CPNE2: variants seen among roughly 807,000 people sequenced by gnomAD.
CPNE2 encodes copine-2.
In CPNE2, 42 loss-of-function variants were observed where a neutral mutation model predicts 69.7. The ratio of observed to expected loss-of-function variants is 0.60; its 90% CI spans 0.47 to 0.78. The LOEUF (loss-of-function observed/expected upper bound fraction) is 0.78, where lower values mean the gene tolerates loss of function less well. Among genes scored for constraint, CPNE2 ranks in the 30% least tolerant of loss-of-function variants. The pLI, the probability that CPNE2 is intolerant of heterozygous loss-of-function variation, is 0.00. For synonymous variants in CPNE2, 294 were observed against 289.8 expected, an observed-to-expected ratio of 1.01 and a Z score of -0.15; for missense variants, 587 against 732.0, an observed-to-expected ratio of 0.80 and a Z score of 2.29.
At chr16:57,124,584 A>G (rs2069787103) in intron 10 of CPNE2, 1 of 335,044 alleles carries the variant, frequency 3.0e-6, no homozygotes. Flanking sequence ...GGAAGAATGA[A>G]CTGCCACCTT....
chr16:57,140,991 G>T (rs2069918533), intron 14 of CPNE2: 10 of 150,072 alleles, frequency 6.7e-5, no homozygotes, highest in Admixed American at 4.0e-4. Context: ...CCAGGCCATT[G>T]TCCCACCCAG....
intron 12 of CPNE2, among the ~76,000 whole-genome samples, chr16:57,128,762 C>T (rs951150213): frequency 7.9e-5 from 12 of 152,330 alleles, no homozygotes; most frequent in Admixed American, 4.6e-4. Context: ...TCCATCCTCT[C>T]GCTGTGTGGA....
At chr16:57,115,384 C>A in intron 3 of CPNE2, 92 bp from the exon 4 acceptor site, 2 of 1,048,778 alleles carry the variant, frequency 1.9e-6, no homozygotes, top group South Asian at 1.3e-5. Context: ...TGCAGCCCTG[C>A]CAAGAGGATT....
chr16:57,110,711 G>T lies in CPNE2; in HGVS notation c.-32G>T. On this transcript the variant is annotated 5_prime_UTR_variant, in exon 2 of 16. Transcript: ENST00000290776. ...ACCCTCACTTCTGTTCCCCTAGACT[G>T]CCAGGAACTCCTGCCACCGCCACCG... 6.4e-7 allele frequency: 1 copy of T among 1,570,516 alleles called. No individual in the cohort carries two copies. Among genetic ancestry groups the T allele is most frequent in the East Asian group, 2.4e-5 (1 of 42,540 alleles).
intron 1 of CPNE2, among the ~76,000 whole-genome samples, chr16:57,107,484 G>C (rs2069655164): frequency 6.6e-6 from 1 of 152,172 alleles, no homozygotes; most frequent in African/African-American, 2.4e-5. Context: ...GCTTGCAGGG[G>C]ACTGCATCTG....
intron 12 of CPNE2, among the ~76,000 whole-genome samples, chr16:57,128,348 G>T (rs1169287414): frequency 2.6e-5 from 4 of 152,062 alleles, no homozygotes; most frequent in Non-Finnish European, 4.4e-5. Context: ...TCCTGCCTCA[G>T]CCTCCCGAGT....
chr16:57,114,968 G>C (rs12925442), intron 3 of CPNE2, among the ~76,000 whole-genome samples: 1 of 133,286 alleles, frequency 7.5e-6, no homozygotes, highest in Non-Finnish European at 1.6e-5. Context: ...AAAGCCAGGC[G>C]TGGTGATGCA....
intron 10 of CPNE2, chr16:57,124,848 C>G (rs917472997): frequency 4.4e-6 from 1 of 226,294 alleles, no homozygotes; most frequent in Non-Finnish European, 9.1e-6. Flanking sequence ...ACCACTGCCC[C>G]CTCCCCTGCA....
At chr16:57,105,791 G>A (rs2069644484) in intron 1 of CPNE2, among the ~76,000 whole-genome samples, 1 of 152,214 alleles carries the variant, frequency 6.6e-6, no homozygotes, top group African/African-American at 2.4e-5. Flanking sequence ...ACCCCAGAAG[G>A]GCTGTGCCCA....
chr16:57,139,821 T>G (rs1367938663), intron 14 of CPNE2, among the ~76,000 whole-genome samples: 4 of 152,088 alleles, frequency 2.6e-5, no homozygotes. Context: ...ATCCTGCCGC[T>G]GTCCCTTCCT....
intron 14 of CPNE2, chr16:57,143,220 G>C (rs2069935061): frequency 6.6e-6 from 1 of 152,466 alleles, no homozygotes; most frequent in African/African-American, 2.4e-5. Context: ...GGAAGCCGGG[G>C]ACTTGTCAGC....
At chr16:57,095,921 T>G (rs558982087) in intron 1 of CPNE2, among the ~76,000 whole-genome samples, 78 of 152,358 alleles carry the variant, frequency 5.1e-4, no homozygotes, top group African/African-American at 1.7e-3. Flanking sequence ...CTTTACTCAT[T>G]GGTGCACCAG....
At chr16:57,095,716 C>T (rs988287689) in intron 1 of CPNE2, among the ~76,000 whole-genome samples, 9 of 152,152 alleles carry the variant, frequency 5.9e-5, no homozygotes, top group Admixed American at 4.6e-4. Flanking sequence ...CCACCCACCT[C>T]GGTCTCCCAA....
Position 57,137,197 on chromosome 16 carries a change from G to A in CPNE2, c.1217G>A (p.Arg406His), listed in dbSNP as rs1242620484. 10 of 1,614,224 alleles carry A rather than the reference G, an allele frequency of 6.2e-6. No individual in the cohort carries two copies. The highest frequency in any genetic ancestry group is 2.2e-5 in the South Asian group (2 of 91,088). Residue 406 changes from arginine to histidine, a missense_variant, in exon 14 of 16, where the codon CGC becomes CAC. Transcript: ENST00000290776. ...TACTCAGCTTGCCTGCCCCACATCC[G>A]CTTCTACGGTCCTACCAATTTCTCC... ...QAYSACLPHI[R>H]FYGPTNFSPI...
intron 2 of CPNE2, among the ~76,000 whole-genome samples, chr16:57,111,435 C>T (rs1205579299): frequency 2.6e-5 from 4 of 152,226 alleles, no homozygotes; most frequent in Non-Finnish European, 5.9e-5. Context: ...GCCTCCACTT[C>T]CCAAAGTGCT....
intron 1 of CPNE2, among the ~76,000 whole-genome samples, chr16:57,105,500 A>G (rs1285182165): frequency 1.3e-5 from 2 of 151,850 alleles, no homozygotes; most frequent in African/African-American, 2.4e-5. Context: ...CAGTGGCACA[A>G]TCACAGCTCA....
chr16:57,117,139 C>T (rs2069724768), intron 4 of CPNE2, among the ~76,000 whole-genome samples: 1 of 152,020 alleles, frequency 6.6e-6, no homozygotes, highest in South Asian at 2.1e-4. Context: ...TCTGTGGCTG[C>T]CGCAGGGGCA....
chr16:57,118,409 G>C (rs1408823657), intron 5 of CPNE2, among the ~76,000 whole-genome samples: 1 of 149,528 alleles, frequency 6.7e-6, no homozygotes, highest in Non-Finnish European at 1.5e-5. Flanking sequence ...TCCTGACCTT[G>C]TGATCCGCCT....
intron 5 of CPNE2, among the ~76,000 whole-genome samples, chr16:57,118,723 C>T (rs1379651687): frequency 6.6e-6 from 1 of 152,014 alleles, no homozygotes; most frequent in African/African-American, 2.4e-5. Context: ...GAGTCACATA[C>T]AAAAAGTGGC....
Sources: gnomAD v4.1 joint callset for allele counts (sites outside exome capture counted in the v4.1 genomes callset) on GRCh38, gnomAD v4.1.1 for gene constraint, MANE v1.5 for transcripts, NCBI Gene and HGNC (gene_info 2026-07-23, HGNC 2026-07-21) for gene names.